LHFPL3: variants seen among roughly 807,000 people sequenced by gnomAD.
LHFPL3 encodes LHFPL tetraspan subfamily member 3.
In LHFPL3, 5 loss-of-function variants were observed where a neutral mutation model predicts 19.3. The observed-to-expected ratio is 0.26, with a 90% CI of 0.14 to 0.54. The LOEUF is 0.54. Ranked by LOEUF, LHFPL3 falls within the 20% of genes least tolerant of loss-of-function variation. The pLI, the probability that LHFPL3 is intolerant of heterozygous loss-of-function variation, is 0.94. For synonymous variants in LHFPL3, 133 were observed against 126.2 expected, an observed-to-expected ratio of 1.05 and a Z score of -0.36; for missense variants, 249 against 307.4, an observed-to-expected ratio of 0.81 and a Z score of 1.42.
intron 2 of LHFPL3, among the ~76,000 whole-genome samples, chr7:104,834,277 TTG>T (rs1791047950): frequency 6.6e-6 from 1 of 151,520 alleles, no homozygotes; most frequent in Non-Finnish European, 1.5e-5. Flanking sequence ...ACCATCACAG[TTG>T]GAGTGAGCCA....
At chr7:104,831,403 C>G (rs531744099) in intron 2 of LHFPL3, among the ~76,000 whole-genome samples, 1 of 151,794 alleles carries the variant, frequency 6.6e-6, no homozygotes, top group Admixed American at 6.6e-5. Context: ...TTCTTTTGAA[C>G]GAAAAGTTAA....
chr7:104,488,144 C>A (rs1793272578), intron 1 of LHFPL3, among the ~76,000 whole-genome samples: 1 of 152,166 alleles, frequency 6.6e-6, no homozygotes, highest in African/African-American at 2.4e-5. Context: ...AGACCTCCCA[C>A]AGCTTAATTC....
intron 1 of LHFPL3, among the ~76,000 whole-genome samples, chr7:104,670,239 GT>G (rs1357676137): frequency 6.6e-6 from 1 of 151,872 alleles, no homozygotes; most frequent in Non-Finnish European, 1.5e-5. Flanking sequence ...GAAAATCGTG[GT>G]TTGAAAGGAA....
At chr7:104,411,042 A>T (rs1336258714) in intron 1 of LHFPL3, among the ~76,000 whole-genome samples, 1 of 152,234 alleles carries the variant, frequency 6.6e-6, no homozygotes. Context: ...TAGAAAGCAC[A>T]TTAACTATGC....
intron 1 of LHFPL3, among the ~76,000 whole-genome samples, chr7:104,341,620 C>T (rs572552976): frequency 1.3e-5 from 2 of 152,318 alleles, no homozygotes; most frequent in South Asian, 4.1e-4. Context: ...AATAGTTCTG[C>T]TCTTCCAGAC....
intron 2 of LHFPL3, among the ~76,000 whole-genome samples, chr7:104,753,537 G>A (rs916455528): frequency 6.6e-6 from 1 of 151,882 alleles, no homozygotes; most frequent in Non-Finnish European, 1.5e-5. Flanking sequence ...AACTTAAAAG[G>A]CACAAACAAT....
At chr7:104,369,376 G>A (rs1016303081) in intron 1 of LHFPL3, among the ~76,000 whole-genome samples, 8 of 152,134 alleles carry the variant, frequency 5.3e-5, no homozygotes, top group Non-Finnish European at 1.0e-4. Context: ...TTTAAGCACC[G>A]TACATGTTGT....
intron 1 of LHFPL3, among the ~76,000 whole-genome samples, chr7:104,712,857 AT>A (rs1466351227): frequency 2.6e-5 from 4 of 152,228 alleles, no homozygotes; most frequent in Non-Finnish European, 5.9e-5. Flanking sequence ...CTTAATCTAG[AT>A]TGTTTGACTC....
chr7:104,587,068 G>C (rs1293589234), intron 1 of LHFPL3, among the ~76,000 whole-genome samples: 3 of 151,988 alleles, frequency 2.0e-5, no homozygotes, highest in Non-Finnish European at 2.9e-5. Flanking sequence ...AACGCTCATT[G>C]AGTTATTCAT....
chr7:104,523,833 C>T (rs2115820794), intron 1 of LHFPL3, among the ~76,000 whole-genome samples: 1 of 152,236 alleles, frequency 6.6e-6, no homozygotes, highest in Non-Finnish European at 1.5e-5. Flanking sequence ...AAATGGTAAT[C>T]CACCAACCTG....
At chr7:104,592,384 G>A (rs886299365) in intron 1 of LHFPL3, among the ~76,000 whole-genome samples, 24 of 150,142 alleles carry the variant, frequency 1.6e-4, no homozygotes, top group African/African-American at 2.2e-4. Context: ...TTTGCTGGAC[G>A]TCCACTCCAG....
At chr7:104,859,853 T>C (rs1285104416) in intron 2 of LHFPL3, among the ~76,000 whole-genome samples, 1 of 152,164 alleles carries the variant, frequency 6.6e-6, no homozygotes, top group Admixed American at 6.5e-5. Flanking sequence ...TGGGTGATAA[T>C]GATGTGTCAA....
At chr7:104,878,078 G>A (rs544294815) in intron 2 of LHFPL3, among the ~76,000 whole-genome samples, 17 of 152,004 alleles carry the variant, frequency 1.1e-4, no homozygotes, top group African/African-American at 3.6e-4. Flanking sequence ...CAGGCAATTT[G>A]CCCACCTCGG....
chr7:104,780,201 G>A (rs1040773303), intron 2 of LHFPL3, among the ~76,000 whole-genome samples: 1 of 152,168 alleles, frequency 6.6e-6, no homozygotes, highest in African/African-American at 2.4e-5. Flanking sequence ...TCCCACTTGT[G>A]AGTGAGGTCT....
At chr7:104,757,370 AC>A (rs1310289492) in intron 2 of LHFPL3, among the ~76,000 whole-genome samples, 5 of 152,198 alleles carry the variant, frequency 3.3e-5, no homozygotes, top group African/African-American at 1.2e-4. Flanking sequence ...ACCTAATTAA[AC>A]TAAAGAACTT....
intron 1 of LHFPL3, among the ~76,000 whole-genome samples, chr7:104,506,416 T>C (rs1031650842): frequency 6.6e-6 from 1 of 152,196 alleles, no homozygotes; most frequent in African/African-American, 2.4e-5. Context: ...TCCCATGACA[T>C]TGCTGTGCAT....
intron 1 of LHFPL3, among the ~76,000 whole-genome samples, chr7:104,429,345 T>C (rs570073851): frequency 2.0e-5 from 3 of 149,934 alleles, no homozygotes; most frequent in South Asian, 2.2e-4. Flanking sequence ...TTCTCTCTTG[T>C]TGCCGAGGCT....
chr7:104,582,562 A>G (rs192771025), intron 1 of LHFPL3, among the ~76,000 whole-genome samples: 21 of 152,132 alleles, frequency 1.4e-4, no homozygotes, highest in African/African-American at 5.1e-4. Context: ...AGAAAGTATC[A>G]ATATTTCACC....
At chr7:104,905,415 G>A (rs1248689115) in intron 2 of LHFPL3, among the ~76,000 whole-genome samples, 1 of 152,084 alleles carries the variant, frequency 6.6e-6, no homozygotes, top group Non-Finnish European at 1.5e-5. Context: ...AGAATATTAT[G>A]CAGCCATTGA....
Sources: allele counts gnomAD v4.1 joint callset (sites outside exome capture counted in the v4.1 genomes callset), GRCh38; gene constraint gnomAD v4.1.1; transcripts MANE v1.5; gene names NCBI Gene and HGNC (gene_info 2026-07-23, HGNC 2026-07-21).